ABHD2: variants seen among roughly 807,000 people sequenced by gnomAD.
ABHD2 encodes the protein abhydrolase domain containing 2, acylglycerol lipase.
Under a neutral mutation model 48.1 loss-of-function variants are expected in ABHD2, and 20 were observed. The ratio of observed to expected loss-of-function variants is 0.42; its 90% CI spans 0.29 to 0.60. The LOEUF (loss-of-function observed/expected upper bound fraction) is 0.60. Among genes scored for constraint, ABHD2 ranks in the 20% least tolerant of loss-of-function variants. The pLI, the probability that ABHD2 is intolerant of heterozygous loss-of-function variation, is 0.24. For missense variants in ABHD2, 405 were observed against 550.9 expected, an observed-to-expected ratio of 0.74 and a Z score of 2.65; for synonymous variants, 209 against 214.2, an observed-to-expected ratio of 0.98 and a Z score of 0.21.
Position 89,116,486 on chromosome 15 carries a change from C to G in ABHD2, c.159C>G (p.Arg53=). The part of the protein sequence containing the change: ...DLYFQDSGLS[R]FLLKSCPLLT... ...ACTTCCAGGACTCGGGGCTCTCACGCTTTCTGCTCAAGTCCTGTCCTCTTC... is the reference window on the plus strand; with the variant it reads ...ACTTCCAGGACTCGGGGCTCTCACGGTTTCTGCTCAAGTCCTGTCCTCTTC... Residue 53 remains arginine, a synonymous_variant, in exon 3 of 11, where the codon CGC becomes CGG. Transcript: ENST00000352732. This position sits in a 1 kb window ranked among gnomAD's most constrained non-coding sequence, Gnocchi z 4.6. 3 of 1,614,176 alleles carry G rather than the reference C, an allele frequency of 1.9e-6. No homozygotes were observed. Among genetic ancestry groups the G allele is most frequent in the Non-Finnish European group, 2.5e-6 (3 of 1,180,000 alleles).
Position 89,179,252 on chromosome 15 carries a change from A to AG in ABHD2, c.722+3259dup, listed in dbSNP as rs1177617323. ...GGGGTCCCAACTGCTGTTAGGAACC[A>AG]GGCCGCACAGCAGGAGGTGAGCGGT... On this transcript the variant is annotated intron_variant, in intron 6 of 10. Transcript: ENST00000352732. The surrounding 1 kb of genome is among the most constrained non-coding windows in gnomAD (Gnocchi z 4.3). Among the ~76,000 whole-genome samples the AG allele has an allele frequency of 6.6e-6, 1 of 152,192 alleles. No homozygotes were observed. The highest frequency in any genetic ancestry group is 1.5e-5 in the Non-Finnish European group (1 of 68,034).
At position 89,202,005 on chromosome 15, in the gene ABHD2, T is replaced by C; in HGVS notation, c.*6582T>C. 1 of 445,906 alleles carries C rather than the reference T, an allele frequency of 2.2e-6. No individual in the cohort carries two copies. Among genetic ancestry groups the C allele is most frequent in the East Asian group, 4.3e-5 (1 of 23,436 alleles). The allele number at this position is 445,906 out of a possible 1,614,324, so 27.6% of individuals were successfully genotyped here. ...TCCTGATTCTGATTTTGTTTTGTTT[T>C]GTTTGGGTTTTCTGAAACTTAAAAT... On this transcript the variant is annotated 3_prime_UTR_variant, in exon 11 of 11. Transcript: ENST00000352732.
the ABHD2 span, among the ~76,000 whole-genome samples, chr15:89,052,790 G>C: frequency 6.6e-6 from 1 of 152,120 alleles, no homozygotes; most frequent in South Asian, 2.1e-4. Flanking sequence ...CATTTCTGTG[G>C]TTTAAGCCAC....
intron 5 of ABHD2, among the ~76,000 whole-genome samples, chr15:89,160,387 C>T (rs944915831): frequency 7.9e-5 from 12 of 152,068 alleles, no homozygotes; most frequent in African/African-American, 2.9e-4. Flanking sequence ...ACACCCAGTA[C>T]TGTTCTCAAT....
intron 3 of ABHD2, among the ~76,000 whole-genome samples, chr15:89,148,118 C>CAAAAAA (rs10711138): frequency 7.2e-5 from 5 of 69,542 alleles, no homozygotes; most frequent in Middle Eastern, 0.015. Flanking sequence ...GACTCCGTCT[C>CAAAAAA]AAAAAAAAAA....
In ABHD2 at chr15:89,178,316, C is replaced by G. The variant is rs141183478; in HGVS notation, c.722+2321C>G. ...GGAATAAATGGAGCACAGTTCCTTA[C>G]TTTAAACCAGTATAACCTTTTTTTT... On this transcript the variant is annotated intron_variant, in intron 6 of 10. Coordinates refer to ENST00000352732, the MANE Select transcript of ABHD2 (RefSeq NM_152924.5). Among the ~76,000 whole-genome samples, 479 of 152,346 alleles carry G rather than the reference C, an allele frequency of 3.1e-3. 3 individuals carry two copies. The highest frequency in any genetic ancestry group is 0.011 in the African/African-American group (445 of 41,592).
At chr15:89,150,543 G>A (rs890362298) in intron 3 of ABHD2, among the ~76,000 whole-genome samples, 2 of 151,996 alleles carry the variant, frequency 1.3e-5, no homozygotes, top group African/African-American at 2.4e-5. Flanking sequence ...CCCCTCCCCC[G>A]AAAAGGAAGC....
At chr15:89,085,739 A>G (rs1241129554), upstream of ABHD2, among the ~76,000 whole-genome samples, 1 of 152,218 alleles carries the variant, frequency 6.6e-6, no homozygotes, top group African/African-American at 2.4e-5. The surrounding 1 kb of genome is among the most constrained non-coding windows in gnomAD (Gnocchi z 4.2). Context: ...CCCATCTGCA[A>G]TCTACTCCTA....
intron 1 of ABHD2, among the ~76,000 whole-genome samples, chr15:89,109,325 T>C (rs1214717169): frequency 6.6e-6 from 1 of 152,194 alleles, no homozygotes; most frequent in Non-Finnish European, 1.5e-5. Flanking sequence ...TAATGCGGAC[T>C]ATAAATGGAA....
At position 89,188,312 on chromosome 15, in the gene ABHD2, G is replaced by T. The variant is rs201349282; in HGVS notation, c.926+9G>T. On this transcript the variant is annotated intron_variant, in intron 8 of 10. Coordinates refer to ENST00000352732, the MANE Select transcript of ABHD2 (RefSeq NM_152924.5). This position sits in a 1 kb window ranked among gnomAD's most constrained non-coding sequence, Gnocchi z 4.1. ...GATGACAATGTGATGAGGTGTGTCC[G>T]CGCAGGCGGGAGAGGGACGCTCTGG... 1.6e-4 allele frequency: 252 copies of T among 1,613,366 alleles called. No individual in the cohort carries two copies. In the African/African-American group the frequency reaches 3.1e-3, roughly 20 times the overall value.
chr15:89,129,232 A>G (rs1372666625), intron 3 of ABHD2, among the ~76,000 whole-genome samples: 2 of 152,104 alleles, frequency 1.3e-5, no homozygotes, highest in African/African-American at 4.8e-5. Context: ...GAGACACTAA[A>G]GACTGATGGC....
chr15:89,062,467 C>G, the ABHD2 span, among the ~76,000 whole-genome samples: 1 of 152,020 alleles, frequency 6.6e-6, no homozygotes, highest in Admixed American at 6.6e-5. Flanking sequence ...TCACGGTAGC[C>G]TTGATCTCCC....
chr15:89,103,753 A>C (rs1025301697), intron 1 of ABHD2: 2 of 152,200 alleles, frequency 1.3e-5, no homozygotes, highest in Admixed American at 1.3e-4. Context: ...TTGGGTTGTG[A>C]CCTACAAGTT....
chr15:89,118,006 G>T (rs901825913), intron 3 of ABHD2, among the ~76,000 whole-genome samples: 1 of 152,158 alleles, frequency 6.6e-6, no homozygotes, highest in Admixed American at 6.5e-5. Flanking sequence ...ATTTGGAACT[G>T]CCCCTGCTGA....
chr15:89,046,225 C>T, the ABHD2 span, among the ~76,000 whole-genome samples: 1 of 152,118 alleles, frequency 6.6e-6, no homozygotes. Context: ...ATTGAACCAG[C>T]CTTGCATCCC....
In ABHD2 at chr15:89,179,797, C is replaced by T. The variant is rs2150934313; in HGVS notation, c.722+3802C>T. Among the ~76,000 whole-genome samples, 1 of 152,258 alleles carries T rather than the reference C, an allele frequency of 6.6e-6. No individual in the cohort carries two copies. The highest frequency in any genetic ancestry group is 1.9e-4 in the East Asian group (1 of 5,168). On this transcript the variant is annotated intron_variant, in intron 6 of 10. Coordinates refer to ENST00000352732, the MANE Select transcript of ABHD2 (RefSeq NM_152924.5). The surrounding 1 kb of genome is among the most constrained non-coding windows in gnomAD (Gnocchi z 4.3). ...AGTGTTTCAAATCTCCTTAAAGGCA[C>T]ATTATACTCCGGGCTAAGTGGATGT...
At position 89,120,980 on chromosome 15, in the gene ABHD2, A is replaced by C. The variant is rs1204052519; in HGVS notation, c.194+4459A>C. 6.6e-6 allele frequency: 1 copy of C among 152,178 alleles called. No individual in the cohort carries two copies. Among genetic ancestry groups the C allele is most frequent in the Non-Finnish European group, 1.5e-5 (1 of 68,030 alleles). 9.4% of individuals were successfully genotyped at this position (152,178 alleles called of 1,614,324 possible). The stretch of plus-strand genomic sequence containing the variant: ...AGATATTGTTTAGTAACCTGCTTTC[A>C]CCAAACCATGATGAACGTTGCCATG... On this transcript the variant is annotated intron_variant, in intron 3 of 10. Coordinates refer to ENST00000352732, the MANE Select transcript of ABHD2 (RefSeq NM_152924.5). This position sits in a 1 kb window ranked among gnomAD's most constrained non-coding sequence, Gnocchi z 4.2.
chr15:89,134,926 AC>A (rs1425406299), intron 3 of ABHD2, among the ~76,000 whole-genome samples: 7 of 152,080 alleles, frequency 4.6e-5, no homozygotes, highest in Admixed American at 1.3e-4. Flanking sequence ...TATTTGTAGA[AC>A]CTACTTTTTC....
At chr15:89,105,969 C>T (rs893216326) in intron 1 of ABHD2, among the ~76,000 whole-genome samples, 1 of 152,066 alleles carries the variant, frequency 6.6e-6, no homozygotes, top group African/African-American at 2.4e-5. Flanking sequence ...CCCAAATGGC[C>T]AGGATTATAG....
Sources: allele counts gnomAD v4.1 joint callset (sites outside exome capture counted in the v4.1 genomes callset), GRCh38; gene constraint gnomAD v4.1.1; non-coding constraint Gnocchi (gnomAD v3.1); transcripts MANE v1.5; gene names NCBI Gene and HGNC (gene_info 2026-07-23, HGNC 2026-07-21).